TMEM132C: variants seen among roughly 807,000 people sequenced by gnomAD.
TMEM132C encodes the protein transmembrane protein 132C.
Under a neutral mutation model 61.4 loss-of-function variants are expected in TMEM132C, and 29 were observed. That is an observed-to-expected ratio of 0.47 (90% confidence interval 0.35 to 0.64). TMEM132C has a LOEUF of 0.64. Ranked by LOEUF, TMEM132C falls within the 30% of genes least tolerant of loss-of-function variation. The pLI is 0.00. For synonymous variants in TMEM132C, 656 were observed against 633.1 expected (o/e 1.04, Z -0.54); for missense variants, 1,408 against 1,476.9 (o/e 0.95, Z 0.76).
rs190673753 is a variant in TMEM132C at position 128,464,472 on chromosome 12, G to A, written c.974+48852G>A. Among the ~76,000 whole-genome samples, 538 of 152,264 alleles carry A rather than the reference G, an allele frequency of 3.5e-3. 4 individuals are homozygous for A. The highest frequency in any genetic ancestry group is 6.2e-3 in the Non-Finnish European group (421 of 68,018). ...TTAGGGCATTTGAAAATAGAATGTA[G>A]CATGGTGGCTCACACCTGTAATCCC... On this transcript the variant is annotated intron_variant, in intron 2 of 8. Coordinates refer to ENST00000435159, the MANE Select transcript of TMEM132C (RefSeq NM_001136103.3).
chr12:128,481,480 G>A (rs1159483434), intron 2 of TMEM132C, among the ~76,000 whole-genome samples: 2 of 152,156 alleles, frequency 1.3e-5, no homozygotes, highest in Non-Finnish European at 2.9e-5. Flanking sequence ...CCCCAGACAA[G>A]TGCTTTTCCA....
At position 128,278,750 on chromosome 12, in the gene TMEM132C, ATGTGTG is replaced by A. The variant is rs35003496; in HGVS notation, c.85+11295_85+11300del. ...TGTGCAGACTTGATTCTATACGTGTATGTGTGTGTGTGTGTGTGTGTGTGTGTGTGT... is the reference window on the plus strand; with the variant it reads ...TGTGCAGACTTGATTCTATACGTGTATGTGTGTGTGTGTGTGTGTGTGTGT... On this transcript the variant is annotated intron_variant, in intron 1 of 8. Coordinates refer to ENST00000435159, the MANE Select transcript of TMEM132C (RefSeq NM_001136103.3). The surrounding 1 kb of genome is among the most constrained non-coding windows in gnomAD (Gnocchi z 4.2). Among the ~76,000 whole-genome samples, 1,234 of 137,030 alleles carry A rather than the reference ATGTGTG, an allele frequency of 9.0e-3. 10 individuals carry two copies. The highest frequency in any genetic ancestry group is 0.014 in the South Asian group (62 of 4,334). 89.9% of individuals were successfully genotyped at this position (137,030 alleles called of 152,430 possible).
chr12:128,707,163 A>C lies in TMEM132C; in HGVS notation c.*868A>C, dbSNP rs547098790. 6.6e-6 allele frequency: 1 copy of C among 152,078 alleles called. No homozygotes were observed. The highest frequency in any genetic ancestry group is 6.5e-5 in the Admixed American group (1 of 15,300). The allele number at this position is 152,078 out of a possible 1,614,324, so 9.4% of individuals were successfully genotyped here. ...CTGTCCTTAATCCATCACCACTACC[A>C]TAGGGCAAAGCCAGCAGGTGTGGCC... On this transcript the variant is annotated 3_prime_UTR_variant, in exon 9 of 9. Transcript: ENST00000435159.
intron 3 of TMEM132C, among the ~76,000 whole-genome samples, chr12:128,594,589 A>T (rs1419804763): frequency 6.6e-6 from 1 of 152,118 alleles, no homozygotes; most frequent in African/African-American, 2.4e-5. Flanking sequence ...CAAGGCTCGG[A>T]ATTGGAGAAA....
At chr12:128,296,039 T>C (rs189037045) in intron 1 of TMEM132C, among the ~76,000 whole-genome samples, 106 of 152,328 alleles carry the variant, frequency 7.0e-4, no homozygotes, top group African/African-American at 2.2e-3. Flanking sequence ...TTCTTCCTAG[T>C]GTCCAAGTCC....
intron 2 of TMEM132C, among the ~76,000 whole-genome samples, chr12:128,523,350 T>A (rs7307877): frequency 0.91 from 138,431 of 152,254 alleles, 64,273 homozygotes; most frequent in East Asian, 1. Flanking sequence ...GATGATGGTC[T>A]TGCAATACTG....
At chr12:128,335,995 C>T (rs1331210607) in intron 1 of TMEM132C, among the ~76,000 whole-genome samples, 1 of 152,112 alleles carries the variant, frequency 6.6e-6, no homozygotes, top group African/African-American at 2.4e-5. Flanking sequence ...TTAAATTAGA[C>T]CAATGGAAAG....
At chr12:128,699,411 G>A (rs947559757) in intron 8 of TMEM132C, among the ~76,000 whole-genome samples, 4 of 152,150 alleles carry the variant, frequency 2.6e-5, no homozygotes, top group African/African-American at 9.7e-5. Context: ...TTATTTGGGT[G>A]GTGGCAGAAT....
chr12:128,379,947 T>C (rs1461588127), intron 1 of TMEM132C, among the ~76,000 whole-genome samples: 1 of 152,216 alleles, frequency 6.6e-6, no homozygotes, highest in Non-Finnish European at 1.5e-5. Flanking sequence ...TCCGTGAGTA[T>C]GGGTGGAGAT....
At position 128,278,943 on chromosome 12, in the gene TMEM132C, G is replaced by C. The variant is rs753271457; in HGVS notation, c.85+11456G>C. Among the ~76,000 whole-genome samples the C allele has an allele frequency of 6.6e-6, 1 of 152,128 alleles. No individual in the cohort carries two copies. The highest frequency in any genetic ancestry group is 1.5e-5 in the Non-Finnish European group (1 of 68,036). ...TTCTGCCAGTCGACAGCATTTGGAC[G>C]TGAACTGCAACATTAGGTCTTCCTT... is the stretch of plus-strand genomic sequence containing the variant. On this transcript the variant is annotated intron_variant, in intron 1 of 8. Transcript: ENST00000435159. The surrounding 1 kb of genome is among the most constrained non-coding windows in gnomAD (Gnocchi z 4.2).
chr12:128,388,694 G>A (rs1874668846), intron 1 of TMEM132C, among the ~76,000 whole-genome samples: 2 of 152,250 alleles, frequency 1.3e-5, no homozygotes, highest in East Asian at 1.9e-4. Context: ...CCACCCCAAA[G>A]AGGTACAATC....
intron 4 of TMEM132C, among the ~76,000 whole-genome samples, chr12:128,633,313 T>G (rs1386535567): frequency 1.3e-5 from 2 of 152,178 alleles, no homozygotes; most frequent in Admixed American, 1.3e-4. Context: ...GATTCAGTGT[T>G]GTAGGGGATT....
intron 2 of TMEM132C, among the ~76,000 whole-genome samples, chr12:128,503,998 G>A (rs1872267757): frequency 6.6e-6 from 1 of 152,340 alleles, no homozygotes; most frequent in East Asian, 1.9e-4. Flanking sequence ...GCTGGAGTGA[G>A]AACGAGAGAA....
intron 4 of TMEM132C, among the ~76,000 whole-genome samples, chr12:128,635,822 C>T (rs943674842): frequency 1.3e-5 from 2 of 152,186 alleles, no homozygotes; most frequent in Non-Finnish European, 2.9e-5. Context: ...CATGCCAGCT[C>T]CCTGCCCTAA....
chr12:128,624,957 A>G lies in TMEM132C; in HGVS notation c.1305+8622A>G, dbSNP rs186989923. On this transcript the variant is annotated intron_variant, in intron 4 of 8. Transcript: ENST00000435159. ...CACTCTCTCAATGATGAGCCCTCCC[A>G]CTGGAATGTAAGAAACACAGTCCCG... 6.3e-3 allele frequency among the ~76,000 whole-genome samples: 954 copies of G among 151,902 alleles called. 11 individuals are homozygous for G. Among genetic ancestry groups the G allele is most frequent in the African/African-American group, 0.022 (914 of 41,496 alleles).
chr12:128,691,170 G>C (rs1448779506), intron 5 of TMEM132C, among the ~76,000 whole-genome samples: 2 of 152,340 alleles, frequency 1.3e-5, no homozygotes, highest in East Asian at 3.9e-4. Flanking sequence ...CCACTAAACT[G>C]TATGTGTGTG....
chr12:128,671,323 T>C (rs929406992), intron 5 of TMEM132C, among the ~76,000 whole-genome samples: 1 of 152,198 alleles, frequency 6.6e-6, no homozygotes, highest in African/African-American at 2.4e-5. Flanking sequence ...CAATTCCTGG[T>C]GTTTCCCATC....
intron 4 of TMEM132C, among the ~76,000 whole-genome samples, chr12:128,641,142 C>T (rs969873846): frequency 1.3e-5 from 2 of 152,062 alleles, no homozygotes; most frequent in Admixed American, 6.6e-5. Flanking sequence ...CTAGACGGTG[C>T]CCCCTTCACA....
At chr12:128,343,438 AGG>A (rs1297670431) in intron 1 of TMEM132C, among the ~76,000 whole-genome samples, 7 of 136,122 alleles carry the variant, frequency 5.1e-5, no homozygotes, top group African/African-American at 1.8e-4. Flanking sequence ...AAAAAAAAAA[AGG>A]AGCTGTCTTC....
Sources: gnomAD v4.1 joint callset for allele counts (sites outside exome capture counted in the v4.1 genomes callset) on GRCh38, gnomAD v4.1.1 for gene constraint, Gnocchi (gnomAD v3.1) non-coding constraint, MANE v1.5 for transcripts, NCBI Gene and HGNC (gene_info 2026-07-23, HGNC 2026-07-21) for gene names.